ZNF407: variants seen among roughly 807,000 people sequenced by gnomAD.
The protein encoded by ZNF407 is zinc finger protein 407.
In ZNF407, 17 loss-of-function variants were observed where a neutral mutation model predicts 131.2. That is an observed-to-expected ratio of 0.13 (90% CI 0.09 to 0.19). The LOEUF (loss-of-function observed/expected upper bound fraction) is 0.19. Among genes scored for constraint, ZNF407 ranks in the 10% least tolerant of loss-of-function variants. ZNF407 has a pLI of 1.00. For synonymous variants in ZNF407, 1,156 were observed against 1,062.0 expected (o/e 1.09, Z -1.72); for missense variants, 2,681 against 2,830.6 (o/e 0.95, Z 1.20).
intron 3 of ZNF407, among the ~76,000 whole-genome samples, chr18:74,755,752 T>TCTTC (rs1968932120): frequency 1.7e-5 from 2 of 121,136 alleles, no homozygotes; most frequent in South Asian, 5.9e-4. Context: ...TTTCTTTCTT[T>TCTTC]CTTTCTTTCT....
intron 3 of ZNF407, among the ~76,000 whole-genome samples, chr18:74,779,109 A>ATTTTTTTTT (rs869191171): frequency 1.2e-4 from 3 of 24,376 alleles, no homozygotes; most frequent in Non-Finnish European, 1.4e-4. Context: ...ATATATATAT[A>ATTTTTTTTT]TTTTTTTTTT....
At chr18:74,817,946 G>T (rs1970290069) in intron 4 of ZNF407, among the ~76,000 whole-genome samples, 1 of 152,092 alleles carries the variant, frequency 6.6e-6, no homozygotes, top group African/African-American at 2.4e-5. Flanking sequence ...GCACTCTAGC[G>T]GCCCTTCATA....
intron 3 of ZNF407, among the ~76,000 whole-genome samples, chr18:74,644,911 G>T (rs947576042): frequency 1.3e-5 from 2 of 151,546 alleles, no homozygotes; most frequent in Non-Finnish European, 3.0e-5. Flanking sequence ...TGTAGGAAAT[G>T]TAACTTATCT....
chr18:75,027,899 C>T (rs1192845677), intron 8 of ZNF407, among the ~76,000 whole-genome samples: 1 of 152,140 alleles, frequency 6.6e-6, no homozygotes. Context: ...CAGAATGAGC[C>T]TGTACTTTCC....
At chr18:74,845,169 T>C (rs957617133) in intron 4 of ZNF407, among the ~76,000 whole-genome samples, 9 of 152,246 alleles carry the variant, frequency 5.9e-5, no homozygotes, top group African/African-American at 2.2e-4. Context: ...CTTAAATTTC[T>C]TCATCGTAAA....
In ZNF407 at chr18:74,786,484, T is replaced by C. The variant is rs540872242; in HGVS notation, c.4877+4982T>C. On this transcript the variant is annotated intron_variant, in intron 4 of 8. Coordinates refer to ENST00000299687, the MANE Select transcript of ZNF407 (RefSeq NM_017757.3). ...ATATTTTTTCTTTTTCTTTTTTTTT[T>C]CCCCATGATGGCCAATTTAGGAAAA... Among the ~76,000 whole-genome samples the C allele has an allele frequency of 2.4e-3, 363 of 152,086 alleles. 2 individuals carry two copies. The highest frequency in any genetic ancestry group is 7.7e-3 in the African/African-American group (321 of 41,534).
intron 3 of ZNF407, among the ~76,000 whole-genome samples, chr18:74,719,936 GA>G (rs1490809837): frequency 6.6e-6 from 1 of 152,162 alleles, no homozygotes; most frequent in Non-Finnish European, 1.5e-5. Flanking sequence ...TGGCTATTGT[GA>G]ATAGTGGTCC....
intron 8 of ZNF407, among the ~76,000 whole-genome samples, chr18:75,034,839 GA>G (rs767485160): frequency 4.6e-5 from 7 of 152,146 alleles, no homozygotes; most frequent in Non-Finnish European, 1.0e-4. Flanking sequence ...ATCTCTGGGG[GA>G]AACTAAGTTG....
At chr18:74,695,774 A>G (rs1967340092) in intron 3 of ZNF407, among the ~76,000 whole-genome samples, 1 of 152,198 alleles carries the variant, frequency 6.6e-6, no homozygotes. Context: ...AAGCGTGTTC[A>G]TCTGTTCTCC....
chr18:74,799,139 T>C lies in ZNF407; in HGVS notation c.4877+17637T>C, dbSNP rs574480938. ...CCACAAATTTTTAGGTTGACTAATA[T>C]TGTAAATTGTTTAAACTGTTCAAAG... On this transcript the variant is annotated intron_variant, in intron 4 of 8. Transcript: ENST00000299687. Among the ~76,000 whole-genome samples, 25 of 152,274 alleles carry C rather than the reference T, an allele frequency of 1.6e-4. No homozygotes were observed. In the Middle Eastern group the frequency reaches 0.014, roughly 83 times the overall value.
At chr18:74,811,978 A>G (rs759293019) in intron 4 of ZNF407, among the ~76,000 whole-genome samples, 2 of 150,860 alleles carry the variant, frequency 1.3e-5, no homozygotes, top group Non-Finnish European at 2.9e-5. Flanking sequence ...ACATGTATAC[A>G]TATGTAACTA....
chr18:74,800,888 T>G (rs536322969), intron 4 of ZNF407, among the ~76,000 whole-genome samples: 1 of 152,270 alleles, frequency 6.6e-6, no homozygotes, highest in East Asian at 1.9e-4. Flanking sequence ...GGTTATTGTT[T>G]CAGGATGGAA....
intron 3 of ZNF407, among the ~76,000 whole-genome samples, chr18:74,742,731 C>T (rs1968579110): frequency 6.6e-6 from 1 of 152,076 alleles, no homozygotes; most frequent in Non-Finnish European, 1.5e-5. Context: ...ACATTTTTCT[C>T]CTGTGTACTC....
chr18:74,754,866 C>T (rs992613644), intron 3 of ZNF407, among the ~76,000 whole-genome samples: 26 of 152,174 alleles, frequency 1.7e-4, no homozygotes, highest in African/African-American at 6.3e-4. Flanking sequence ...CTATTAGATC[C>T]GCTTGGTGCA....
chr18:74,627,178 A>T lies in ZNF407; in HGVS notation c.-53-3789A>T, dbSNP rs75536379. On this transcript the variant is annotated intron_variant, in intron 1 of 8. Transcript: ENST00000299687. ...CTTTTTTTCAGTTGTTTCAAACATG[A>T]GAGTAAATCCAGTCCCTGTGATCTT... Among the ~76,000 whole-genome samples, 973 of 152,222 alleles carry T rather than the reference A, an allele frequency of 6.4e-3. 12 individuals carry two copies. The highest frequency in any genetic ancestry group is 0.022 in the African/African-American group (913 of 41,516).
chr18:74,905,628 A>C (rs1264411242), intron 7 of ZNF407: 1 of 152,254 alleles, frequency 6.6e-6, no homozygotes, highest in Non-Finnish European at 1.5e-5. Context: ...TTTTTATCGC[A>C]TAATAAACAT....
intron 3 of ZNF407, among the ~76,000 whole-genome samples, chr18:74,666,681 C>T (rs1485438709): frequency 6.6e-6 from 1 of 152,178 alleles, no homozygotes; most frequent in Non-Finnish European, 1.5e-5. Flanking sequence ...TTAGTTAGCT[C>T]TTGCTGGGTA....
intron 1 of ZNF407, among the ~76,000 whole-genome samples, chr18:74,609,200 C>A (rs892370650): frequency 2.0e-5 from 3 of 152,154 alleles, no homozygotes; most frequent in Non-Finnish European, 4.4e-5. Context: ...AGTTCTTTTG[C>A]TGTGGTTCTG....
chr18:74,655,044 G>A (rs182055900), intron 3 of ZNF407, among the ~76,000 whole-genome samples: 13 of 151,960 alleles, frequency 8.6e-5, no homozygotes, highest in Admixed American at 8.5e-4. Flanking sequence ...GTCTGATAAT[G>A]CCATTATTTA....
Sources: gnomAD v4.1 joint callset for allele counts (sites outside exome capture counted in the v4.1 genomes callset) on GRCh38, gnomAD v4.1.1 for gene constraint, MANE v1.5 for transcripts, NCBI Gene and HGNC (gene_info 2026-07-23, HGNC 2026-07-21) for gene names.